Variants in C8orf34 observed in about 807,000 individuals in gnomAD.
C8orf34 encodes uncharacterized protein C8orf34.
A neutral mutation model predicts 68.3 loss-of-function variants in C8orf34; 65 were observed. The ratio of observed to expected loss-of-function variants is 0.95; its 90% CI spans 0.78 to 1.17. The LOEUF is 1.17. C8orf34 is among the 50% of genes most tolerant of loss of function. C8orf34 has a pLI of 0.00. For synonymous variants in C8orf34, 244 were observed against 241.2 expected (o/e 1.01, Z -0.11); for missense variants, 664 against 655.4 (o/e 1.01, Z -0.14).
intron 12 of C8orf34, among the ~76,000 whole-genome samples, chr8:68,794,476 A>AATATATATATATATAT (rs1563673874): frequency 9.0e-6 from 1 of 111,668 alleles, no homozygotes; most frequent in African/African-American, 4.7e-5. Context: ...CCAGTATATA[A>AATATATATATATATAT]ATATAAATAT....
At chr8:68,659,710 C>G (rs760358358) in intron 8 of C8orf34, among the ~76,000 whole-genome samples, 10 of 152,120 alleles carry the variant, frequency 6.6e-5, no homozygotes, top group Middle Eastern at 3.4e-3. Context: ...TAAAAGATTA[C>G]TTCAGTTTTC....
intron 13 of C8orf34, among the ~76,000 whole-genome samples, chr8:68,816,191 A>T (rs530126378): frequency 2.7e-4 from 41 of 150,280 alleles, no homozygotes; most frequent in African/African-American, 9.6e-4. Context: ...GTTCTCATTT[A>T]GTCTGCACTC....
intron 1 of C8orf34, among the ~76,000 whole-genome samples, chr8:68,368,463 A>T (rs1422899698): frequency 6.6e-6 from 1 of 151,312 alleles, no homozygotes; most frequent in African/African-American, 2.4e-5. Flanking sequence ...CTCTCTACAG[A>T]TTTTATTTAT....
intron 12 of C8orf34, among the ~76,000 whole-genome samples, chr8:68,796,425 T>C (rs1824178258): frequency 6.6e-6 from 1 of 152,204 alleles, no homozygotes. Flanking sequence ...AATGGAAGTA[T>C]GATATTTTCA....
intron 5 of C8orf34, among the ~76,000 whole-genome samples, chr8:68,500,434 C>T (rs1327028927): frequency 2.6e-5 from 4 of 152,196 alleles, no homozygotes; most frequent in South Asian, 4.2e-4. Context: ...ATTCTTTTAC[C>T]ATGAACAACA....
At chr8:68,604,965 A>C (rs1817812033) in intron 7 of C8orf34, among the ~76,000 whole-genome samples, 1 of 152,170 alleles carries the variant, frequency 6.6e-6, no homozygotes, top group African/African-American at 2.4e-5. Flanking sequence ...TATCTGATTA[A>C]AGACTATCAT....
intron 7 of C8orf34, among the ~76,000 whole-genome samples, chr8:68,566,665 C>G (rs979715000): frequency 6.6e-6 from 1 of 152,120 alleles, no homozygotes; most frequent in Non-Finnish European, 1.5e-5. Context: ...TTGCTCTGAA[C>G]CAGGCATTGG....
Position 68,331,155 on chromosome 8 carries a change from C to A in C8orf34, c.143C>A (p.Pro48Gln). The A allele has an allele frequency of 1.3e-6, 2 of 1,528,954 alleles. No homozygotes were observed. Among genetic ancestry groups the A allele is most frequent in the Non-Finnish European group, 1.8e-6 (2 of 1,141,952 alleles). The allele number at this position is 1,528,954 out of a possible 1,614,324, so 94.7% of individuals were successfully genotyped here. The change falls in exon 1 of 14, where the codon CCG (proline) becomes CAG (glutamine). Residue 48 changes from proline (P) to glutamine (Q), a missense_variant. Pro to Gln is a moderately conservative substitution (Grantham distance 76, BLOSUM62 -1). Coordinates refer to ENST00000518698, the MANE Select transcript of C8orf34 (RefSeq NM_052958.4). ...GGCCGAGCCAGCCACGCAGGGCAGC[C>A]GAGGCTCCGGAGCTCCTGTCCCGGC... ...GRGRASHAGQ[P>Q]RLRSSCPGPS...
intron 6 of C8orf34, chr8:68,530,573 A>G: frequency 4.9e-6 from 6 of 1,217,932 alleles, no homozygotes; most frequent in Non-Finnish European, 6.4e-6. Flanking sequence ...AGACTTTAAC[A>G]TTGTTACATT....
chr8:68,702,004 C>A (rs933422512), intron 8 of C8orf34, among the ~76,000 whole-genome samples: 1 of 152,022 alleles, frequency 6.6e-6, no homozygotes, highest in Non-Finnish European at 1.5e-5. Context: ...CACTGCCCCT[C>A]CCCCAGACCC....
chr8:68,529,472 T>A lies in C8orf34; in HGVS notation c.939-3511T>A, dbSNP rs540721309. Among the ~76,000 whole-genome samples the A allele has an allele frequency of 4.6e-5, 7 of 152,374 alleles. No homozygotes were observed. The South Asian group carries it at 1.4e-3, about 32-fold the overall frequency. On this transcript the variant is annotated intron_variant, in intron 6 of 13. Transcript: ENST00000518698. ...AAATGCTCTGACAATGAAAGTTGTT[T>A]TCATAATTCATTATAGCAAAACCTG...
chr8:68,358,703 ATATT>A lies in C8orf34; in HGVS notation c.327+27374_327+27377del, dbSNP rs1806852864. Among the ~76,000 whole-genome samples the A allele has an allele frequency of 3.4e-5, 5 of 145,382 alleles. No individual in the cohort carries two copies. In the South Asian group the frequency reaches 1.1e-3, roughly 31 times the overall value. On this transcript the variant is annotated intron_variant, in intron 1 of 13. Coordinates refer to ENST00000518698, the MANE Select transcript of C8orf34 (RefSeq NM_052958.4). ...TGTTTATTAACAGATTGATTTATTC[ATATT>A]TATTTATTTTTTTTTTGAGACAGAG...
At chr8:68,609,469 A>T (rs1817948493) in intron 7 of C8orf34, among the ~76,000 whole-genome samples, 1 of 152,178 alleles carries the variant, frequency 6.6e-6, no homozygotes, top group South Asian at 2.1e-4. Context: ...ATTCACAAAG[A>T]GCTACAAGGA....
At chr8:68,345,419 G>A (rs978470804) in intron 1 of C8orf34, among the ~76,000 whole-genome samples, 9 of 151,770 alleles carry the variant, frequency 5.9e-5, no homozygotes, top group Non-Finnish European at 1.2e-4. Context: ...GTATAGAAAA[G>A]CCAAAAAGTG....
chr8:68,394,777 G>A (rs1264380998), intron 1 of C8orf34, among the ~76,000 whole-genome samples: 3 of 151,766 alleles, frequency 2.0e-5, no homozygotes, highest in South Asian at 2.1e-4. Context: ...CCATCTAGTG[G>A]CCACCATTAG....
intron 5 of C8orf34, among the ~76,000 whole-genome samples, chr8:68,498,784 T>C (rs1586264335): frequency 1.3e-5 from 2 of 152,320 alleles, no homozygotes; most frequent in East Asian, 3.9e-4. Context: ...AAAAATAAAA[T>C]GCACATTCTA....
chr8:68,757,546 G>C (rs1003691941), intron 10 of C8orf34, among the ~76,000 whole-genome samples: 2 of 152,092 alleles, frequency 1.3e-5, no homozygotes, highest in Non-Finnish European at 2.9e-5. Flanking sequence ...ACTTGAACCG[G>C]GGAGGCGGAA....
intron 7 of C8orf34, among the ~76,000 whole-genome samples, chr8:68,549,359 T>G (rs1815989864): frequency 6.6e-6 from 1 of 151,848 alleles, no homozygotes; most frequent in Non-Finnish European, 1.5e-5. Context: ...ATATCCTATA[T>G]TAATTTAATC....
chr8:68,483,841 C>T (rs1232351632), intron 4 of C8orf34, among the ~76,000 whole-genome samples: 2 of 152,152 alleles, frequency 1.3e-5, no homozygotes, highest in African/African-American at 2.4e-5. Context: ...GGAGCCACTG[C>T]TTCTTTATCC....
Sources: gnomAD v4.1 joint callset for allele counts (sites outside exome capture counted in the v4.1 genomes callset) on GRCh38, gnomAD v4.1.1 for gene constraint, MANE v1.5 for transcripts, NCBI Gene and HGNC (gene_info 2026-07-23, HGNC 2026-07-21) for gene names.